The following ETV6 variants were observed in gnomAD, a reference collection of about 807,000 sequenced individuals.
ETV6 encodes transcription factor ETV6.
A neutral mutation model predicts 51.1 loss-of-function variants in ETV6; 16 were observed. The observed-to-expected ratio is 0.31, with a 90% confidence interval of 0.21 to 0.48. The LOEUF is 0.48. Among genes scored for constraint, ETV6 ranks in the 20% least tolerant of loss-of-function variants. The pLI, the probability that ETV6 is intolerant of heterozygous loss-of-function variation, is 0.99. For missense variants in ETV6, 458 were observed against 594.8 expected, an observed-to-expected ratio of 0.77 and a Z score of 2.39; for synonymous variants, 240 against 224.1, an observed-to-expected ratio of 1.07 and a Z score of -0.64.
At chr12:11,656,512 G>C (rs1190874778) in intron 1 of ETV6, among the ~76,000 whole-genome samples, 1 of 152,208 alleles carries the variant, frequency 6.6e-6, no homozygotes, top group Non-Finnish European at 1.5e-5. Context: ...CATTACACAA[G>C]TAGCGGGGAC....
chr12:11,707,226 A>G (rs1865088492), intron 1 of ETV6, among the ~76,000 whole-genome samples: 1 of 152,234 alleles, frequency 6.6e-6, no homozygotes, highest in Non-Finnish European at 1.5e-5. Flanking sequence ...AGGAAAAAAA[A>G]TCACATTCCC....
chr12:11,694,717 C>T (rs988040046), intron 1 of ETV6, among the ~76,000 whole-genome samples: 12 of 152,204 alleles, frequency 7.9e-5, no homozygotes, highest in South Asian at 2.1e-4. Context: ...TCTGCAAAGT[C>T]GTAATCATTT....
chr12:11,701,125 G>A (rs1015105991), intron 1 of ETV6, among the ~76,000 whole-genome samples: 4 of 149,510 alleles, frequency 2.7e-5, no homozygotes, highest in East Asian at 1.9e-4. Context: ...TTTAAAAATC[G>A]TGGTAATATA....
At chr12:11,791,918 G>C (rs2724623) in intron 2 of ETV6, among the ~76,000 whole-genome samples, 83,262 of 152,004 alleles carry the variant, frequency 0.55, 22,857 homozygotes, top group Non-Finnish European at 0.59. Flanking sequence ...GGTGGGTGCA[G>C]TAGCAAAACA....
At chr12:11,721,574 T>C (rs1286403021) in intron 1 of ETV6, among the ~76,000 whole-genome samples, 1 of 152,116 alleles carries the variant, frequency 6.6e-6, no homozygotes, top group Non-Finnish European at 1.5e-5. Context: ...TGTGGACTAC[T>C]AGAGGGAGGA....
intron 1 of ETV6, among the ~76,000 whole-genome samples, chr12:11,674,615 T>TTTTG (rs765465401): frequency 7.5e-6 from 1 of 133,162 alleles, no homozygotes; most frequent in Non-Finnish European, 1.6e-5. Context: ...TAGGGGTTAT[T>TTTTG]TGTGTGTGTG....
chr12:11,753,838 G>C (rs1306465463), intron 2 of ETV6, among the ~76,000 whole-genome samples: 1 of 152,262 alleles, frequency 6.6e-6, no homozygotes, highest in East Asian at 1.9e-4. Flanking sequence ...GCGTCCATCA[G>C]TATTTACGAA....
rs551562722 is a variant in ETV6, at chr12:11,730,391, A to G, written c.34-22059A>G. 2.0e-5 allele frequency among the ~76,000 whole-genome samples: 3 copies of G among 152,360 alleles called. No individual in the cohort carries two copies. In the East Asian group the frequency reaches 5.8e-4, roughly 29 times the overall value. On this transcript the variant is annotated intron_variant, in intron 1 of 7. Coordinates refer to ENST00000396373, the MANE Select transcript of ETV6 (RefSeq NM_001987.5). ...ACAAGTCCTGTACAAACAGAAGTCC[A>G]ATGAGGCTGCTGCTCTGGGGTTGCC...
At chr12:11,702,209 T>C (rs1399933938) in intron 1 of ETV6, among the ~76,000 whole-genome samples, 1 of 152,108 alleles carries the variant, frequency 6.6e-6, no homozygotes, top group Non-Finnish European at 1.5e-5. Context: ...AGCAAGGCAG[T>C]GAGAGAGAAG....
chr12:11,884,890 G>C (rs143609603), intron 6 of ETV6, among the ~76,000 whole-genome samples: 29 of 152,226 alleles, frequency 1.9e-4, no homozygotes, highest in African/African-American at 5.8e-4. Flanking sequence ...CTGTTGTTAG[G>C]AACTGGGTAA....
intron 1 of ETV6, among the ~76,000 whole-genome samples, chr12:11,697,792 G>A (rs933240981): frequency 6.6e-6 from 1 of 152,168 alleles, no homozygotes; most frequent in Non-Finnish European, 1.5e-5. Flanking sequence ...GTTTGGATGA[G>A]TGTATTTAAT....
Position 11,869,645 on chromosome 12 carries a change from C to G in ETV6, c.685C>G (p.His229Asp). ...QGPRPHQENN[H>D]QESYPLSVSP... ...ACCCAGGCCGCACCAGGAGAACAAC[C>G]ACCAGGAGTCCTACCCTCTGTCAGT... is the stretch of plus-strand genomic sequence containing the variant. Residue 229 changes from histidine (H) to aspartate (D), a missense_variant, in exon 5 of 8, where the codon CAC (histidine) becomes GAC (aspartate). Coordinates refer to ENST00000396373, the MANE Select transcript of ETV6 (RefSeq NM_001987.5). The surrounding 1 kb of genome is among the most constrained non-coding windows in gnomAD (Gnocchi z 5.0). The G allele has an allele frequency of 3.7e-6, 6 of 1,614,164 alleles. No individual in the cohort carries two copies. Among genetic ancestry groups the G allele is most frequent in the Non-Finnish European group, 5.1e-6 (6 of 1,180,028 alleles).
chr12:11,735,900 A>C (rs1865695685), intron 1 of ETV6, among the ~76,000 whole-genome samples: 2 of 152,208 alleles, frequency 1.3e-5, no homozygotes, highest in African/African-American at 4.8e-5. Context: ...GCGCCCGGCC[A>C]GCTCGTCGCT....
chr12:11,883,773 A>G (rs1360131218), intron 5 of ETV6, among the ~76,000 whole-genome samples: 8 of 152,168 alleles, frequency 5.3e-5, no homozygotes, highest in African/African-American at 1.9e-4. Flanking sequence ...GCCATGATCC[A>G]CTATATCAAA....
At position 11,650,504 on chromosome 12, in the gene ETV6, A is replaced by AAAAAAAAAAAAC. The variant is rs1863883066; in HGVS notation, c.33+345_33+356dup. 3.8e-4 allele frequency among the ~76,000 whole-genome samples: 36 copies of AAAAAAAAAAAAC among 94,220 alleles called. 5 individuals are homozygous for AAAAAAAAAAAAC. The highest frequency in any genetic ancestry group is 7.1e-4 in the East Asian group (2 of 2,828). 61.8% of individuals were successfully genotyped at this position (94,220 alleles called of 152,430 possible). A position where few individuals can be genotyped will look rare whatever the true frequency, so the allele number is the denominator to read the frequency against. ...CTTAAAAAAAAAAAAAACAAAAAAC[A>AAAAAAAAAAAAC]AAAAAAAAAAACCTGCTCCCTATTC... On this transcript the variant is annotated intron_variant, in intron 1 of 7. Transcript: ENST00000396373.
intron 1 of ETV6, among the ~76,000 whole-genome samples, chr12:11,715,126 G>C (rs990100253): frequency 6.6e-6 from 1 of 152,122 alleles, no homozygotes. Flanking sequence ...AATTCTTGGG[G>C]TGACATCAAA....
intron 5 of ETV6, 96 bp from the exon 6 acceptor site, chr12:11,884,349 G>A: frequency 5.1e-6 from 7 of 1,372,414 alleles, no homozygotes; most frequent in Non-Finnish European, 7.2e-6. Context: ...ACCCAAGCTA[G>A]GCAGAAGCAG....
At chr12:11,744,469 G>T (rs567697326) in intron 1 of ETV6, among the ~76,000 whole-genome samples, 3 of 152,196 alleles carry the variant, frequency 2.0e-5, no homozygotes, top group Non-Finnish European at 4.4e-5. Context: ...GGCATTGCTG[G>T]ATAAATTCAA....
rs572409201 is a variant in ETV6, at chr12:11,860,868, A to G, written c.463+7307A>G. On this transcript the variant is annotated intron_variant, in intron 4 of 7. Transcript: ENST00000396373. The stretch of plus-strand genomic sequence containing the variant: ...ATCGCAACTACATCCACTTTGTGCA[A>G]ACATCAGGTTTGTGCACCTTATACG... 3.9e-5 allele frequency among the ~76,000 whole-genome samples: 6 copies of G among 152,308 alleles called. No individual in the cohort carries two copies. In the South Asian group the frequency reaches 1.2e-3, roughly 32 times the overall value.
Sources: allele counts gnomAD v4.1 joint callset (sites outside exome capture counted in the v4.1 genomes callset), GRCh38; gene constraint gnomAD v4.1.1; non-coding constraint Gnocchi (gnomAD v3.1); transcripts MANE v1.5; gene names NCBI Gene and HGNC (gene_info 2026-07-23, HGNC 2026-07-21).